NTM: variants seen among roughly 807,000 people sequenced by gnomAD.
NTM encodes the protein IgLON family member 2.
A neutral mutation model predicts 42.1 loss-of-function variants in NTM; 13 were observed. The ratio of observed to expected loss-of-function variants is 0.31; its 90% CI spans 0.20 to 0.49. NTM has a LOEUF of 0.49. NTM is among the 20% of genes least tolerant of loss of function. The pLI is 0.99. For synonymous variants in NTM, 187 were observed against 179.2 expected, an observed-to-expected ratio of 1.04 and a Z score of -0.35; for missense variants, 373 against 452.8, an observed-to-expected ratio of 0.82 and a Z score of 1.60.
intron 1 of NTM, among the ~76,000 whole-genome samples, chr11:131,438,899 G>C (rs1294003992): frequency 1.3e-5 from 2 of 152,160 alleles, no homozygotes; most frequent in South Asian, 2.1e-4. Context: ...TTCTGCTCTG[G>C]TTTCTCCTCA....
chr11:131,676,710 T>A (rs1285188825), intron 1 of NTM, among the ~76,000 whole-genome samples: 2 of 151,876 alleles, frequency 1.3e-5, no homozygotes, highest in Non-Finnish European at 2.9e-5. Flanking sequence ...TCGTTGAAAA[T>A]TTTAAACCTT....
chr11:131,831,130 C>CT (rs1239284751), intron 1 of NTM, among the ~76,000 whole-genome samples: 2 of 152,074 alleles, frequency 1.3e-5, no homozygotes, highest in African/African-American at 4.8e-5. Context: ...AGTTTGACTT[C>CT]TTTTTTTCCT....
In NTM at chr11:131,532,541, T is replaced by C. The variant is rs572324477; in HGVS notation, c.82+161653T>C. Reference sequence around the variant, plus strand: ...TGCTATGAGCACTGGTCTACATGTATCTGTTCAAGTCCCTGCTTTCTATTC... The same window carrying C: ...TGCTATGAGCACTGGTCTACATGTACCTGTTCAAGTCCCTGCTTTCTATTC... On this transcript the variant is annotated intron_variant, in intron 1 of 8. Transcript: ENST00000683400. 6.3e-4 allele frequency among the ~76,000 whole-genome samples: 96 copies of C among 152,310 alleles called. No individual in the cohort carries two copies. In the South Asian group the frequency reaches 0.017, roughly 26 times the overall value.
At chr11:131,585,220 G>A (rs556326113) in intron 1 of NTM, among the ~76,000 whole-genome samples, 3 of 152,284 alleles carry the variant, frequency 2.0e-5, no homozygotes, top group African/African-American at 4.8e-5. Flanking sequence ...TTTGGATTCC[G>A]GAGGGGTTTT....
At chr11:132,330,210 C>T (rs1220285257) in intron 8 of NTM, 25 bp downstream of exon 8, 10 of 1,549,284 alleles carry the variant, frequency 6.5e-6, no homozygotes, top group Non-Finnish European at 8.7e-6. Flanking sequence ...CAGACAGCTG[C>T]TGCCTTGGTG....
intron 1 of NTM, among the ~76,000 whole-genome samples, chr11:131,787,419 C>T (rs12417092): frequency 0.3 from 44,483 of 148,948 alleles, 6,897 homozygotes; most frequent in Admixed American, 0.43. Context: ...CTCTCTCTGG[C>T]GCCAGGCTGG....
chr11:131,495,253 A>G (rs943638564), intron 1 of NTM, among the ~76,000 whole-genome samples: 3 of 152,118 alleles, frequency 2.0e-5, no homozygotes, highest in Non-Finnish European at 1.5e-5. Flanking sequence ...CTTGCCATTC[A>G]AAGAATCCTG....
chr11:131,790,367 A>G (rs2090757983), intron 1 of NTM, among the ~76,000 whole-genome samples: 1 of 152,096 alleles, frequency 6.6e-6, no homozygotes, highest in African/African-American at 2.4e-5. Context: ...AATCTTGATA[A>G]TCTATTATTT....
At chr11:131,719,908 G>T (rs1405630412) in intron 1 of NTM, among the ~76,000 whole-genome samples, 1 of 152,170 alleles carries the variant, frequency 6.6e-6, no homozygotes, top group African/African-American at 2.4e-5. Flanking sequence ...GTGCCCAGAT[G>T]GTGGACTTCC....
In NTM at chr11:131,589,133, AT is replaced by A. The variant is rs565263396; in HGVS notation, c.82+218246del. Among the ~76,000 whole-genome samples, 548 of 151,196 alleles carry A rather than the reference AT, an allele frequency of 3.6e-3. 1 individual carries two copies. Among genetic ancestry groups the A allele is most frequent in the African/African-American group, 0.013 (530 of 40,662 alleles). ...TTTAAGTGAGATTAACACAGCAGTTATACAGGAAACCATGCCACTCTTAACC... is the reference window on the plus strand; with the variant it reads ...TTTAAGTGAGATTAACACAGCAGTTAACAGGAAACCATGCCACTCTTAACC... On this transcript the variant is annotated intron_variant, in intron 1 of 8. Transcript: ENST00000683400.
At chr11:132,187,095 C>T (rs1400972628) in intron 3 of NTM, among the ~76,000 whole-genome samples, 4 of 152,152 alleles carry the variant, frequency 2.6e-5, no homozygotes, top group African/African-American at 9.7e-5. Flanking sequence ...AGACTGGCTA[C>T]CCATGCCCTT....
intron 1 of NTM, among the ~76,000 whole-genome samples, chr11:131,508,695 C>T (rs1423923579): frequency 1.4e-4 from 21 of 151,036 alleles, no homozygotes; most frequent in Non-Finnish European, 2.7e-4. Flanking sequence ...CCATGGAATA[C>T]TATGCAGCCA....
intron 3 of NTM, among the ~76,000 whole-genome samples, chr11:132,208,357 T>G (rs1217352670): frequency 2.0e-5 from 3 of 152,204 alleles, no homozygotes; most frequent in Non-Finnish European, 4.4e-5. Context: ...GCTCCCCTAG[T>G]CAAACCACCT....
rs1463214137 is a variant in NTM at position 132,104,975 on chromosome 11, A to G, written c.168-41307A>G. On this transcript the variant is annotated intron_variant, in intron 2 of 8. Coordinates refer to ENST00000683400, the MANE Select transcript of NTM (RefSeq NM_001352005.2). ...TATATATATATATATATATATATAT[A>G]TATATATATATATATATTTCATGGG... Among the ~76,000 whole-genome samples, 83 of 117,064 alleles carry G rather than the reference A, an allele frequency of 7.1e-4. 7 individuals are homozygous for G. The highest frequency in any genetic ancestry group is 2.3e-3 in the African/African-American group (65 of 28,578). The allele number at this position is 117,064 out of a possible 152,430, so 76.8% of individuals were successfully genotyped here.
chr11:132,076,177 C>T (rs2058339261), intron 2 of NTM, among the ~76,000 whole-genome samples: 3 of 152,086 alleles, frequency 2.0e-5, no homozygotes, highest in Admixed American at 2.0e-4. Flanking sequence ...ATAGCTTCTA[C>T]TTGATTCTTG....
chr11:132,171,867 T>C (rs531919109), intron 3 of NTM, among the ~76,000 whole-genome samples: 1 of 152,326 alleles, frequency 6.6e-6, no homozygotes, highest in East Asian at 1.9e-4. Context: ...TCTCTGCCCC[T>C]CTCTTGTTGG....
intron 1 of NTM, among the ~76,000 whole-genome samples, chr11:131,700,971 A>G (rs2076014597): frequency 6.6e-6 from 1 of 152,238 alleles, no homozygotes; most frequent in South Asian, 2.1e-4. Context: ...GAGTCCTTAC[A>G]GAAGTTTCTT....
rs370248881 is a variant in NTM at position 132,002,833 on chromosome 11, T to C, written c.167+91185T>C. On this transcript the variant is annotated intron_variant, in intron 2 of 8. Transcript: ENST00000683400. The surrounding 1 kb of genome is among the most constrained non-coding windows in gnomAD (Gnocchi z 4.5). ...TTTATTAAAGTTGAAGATTGAGTTT[T>C]ATACATTTAAAGTCCTAGAACAAAG... is the stretch of plus-strand genomic sequence containing the variant. 6.6e-6 allele frequency among the ~76,000 whole-genome samples: 1 copy of C among 152,090 alleles called. No individual in the cohort carries two copies. Among genetic ancestry groups the C allele is most frequent in the Admixed American group, 6.5e-5 (1 of 15,274 alleles).
intron 3 of NTM, among the ~76,000 whole-genome samples, chr11:132,206,842 C>T (rs185546242): frequency 6.6e-6 from 1 of 152,284 alleles, no homozygotes; most frequent in East Asian, 1.9e-4. Flanking sequence ...TAGCTGTTAT[C>T]CTCCCTCCTA....
Sources: gnomAD v4.1 joint callset for allele counts (sites outside exome capture counted in the v4.1 genomes callset) on GRCh38, gnomAD v4.1.1 for gene constraint, Gnocchi (gnomAD v3.1) non-coding constraint, MANE v1.5 for transcripts, NCBI Gene and HGNC (gene_info 2026-07-23, HGNC 2026-07-21) for gene names.